The following SLTM variants were observed in gnomAD, a reference collection of about 807,000 sequenced individuals.
SLTM encodes SAFB like transcription modulator, also known as SAFB-like transcription modulator.
SLTM carries 43 observed loss-of-function variants against 134.6 expected under a neutral mutation model. The ratio of observed to expected loss-of-function variants is 0.32; its 90% CI spans 0.25 to 0.41. The LOEUF is 0.41. Among genes scored for constraint, SLTM ranks in the 10% least tolerant of loss-of-function variants. The probability of loss-of-function intolerance (pLI) is 1.00; values close to 1 mark genes in which losing one functional copy is unlikely to be tolerated. For synonymous variants in SLTM, 424 were observed against 432.3 expected (o/e 0.98, Z 0.24); for missense variants, 1,055 against 1,288.8 (o/e 0.82, Z 2.78).
At position 58,899,310 on chromosome 15, in the gene SLTM, A is replaced by G. The variant is rs959702371; in HGVS notation, c.1058+159T>C. The G allele has an allele frequency of 1.6e-6, 1 of 629,438 alleles. No homozygotes were observed. The highest frequency in any genetic ancestry group is 3.0e-5 in the Admixed American group (1 of 32,964). 39.0% of individuals were successfully genotyped at this position (629,438 alleles called of 1,614,324 possible). ...ACACTGCATTATTATGAAGATCTTG[A>G]AAATTTTTAAAAGTAACTTATGACG... On this transcript the variant is annotated intron_variant, in intron 7 of 20. Transcript: ENST00000380516. This position sits in a 1 kb window ranked among gnomAD's most constrained non-coding sequence, Gnocchi z 5.0.
chr15:58,910,640 T>C (rs900473146), intron 5 of SLTM, among the ~76,000 whole-genome samples: 10 of 152,114 alleles, frequency 6.6e-5, no homozygotes, highest in Non-Finnish European at 1.0e-4. Flanking sequence ...GAAGCTAATA[T>C]CTAGCTGCCA....
rs180881520 is a variant in SLTM, at chr15:58,899,219, A to C, written c.1058+250T>G. 3.6e-4 allele frequency: 166 copies of C among 466,130 alleles called. 1 individual carries two copies. Among genetic ancestry groups the C allele is most frequent in the Admixed American group, 1.4e-3 (37 of 25,816 alleles). 28.9% of individuals were successfully genotyped at this position (466,130 alleles called of 1,614,324 possible). A position where few individuals can be genotyped will look rare whatever the true frequency, so the allele number is the denominator to read the frequency against. The stretch of plus-strand genomic sequence containing the variant: ...AAAATTGTCAATTTGAAAAAAAAAA[A>C]CAAAAAACAAAAAACAACAAAAAAA... On this transcript the variant is annotated intron_variant, in intron 7 of 20. Transcript: ENST00000380516. The surrounding 1 kb of genome is among the most constrained non-coding windows in gnomAD (Gnocchi z 5.0).
At chr15:58,898,614 C>T (rs2035263167) in intron 8 of SLTM, 189 bp downstream of exon 8, 1 of 410,224 alleles carries the variant, frequency 2.4e-6, no homozygotes, top group Non-Finnish European at 4.3e-6. Context: ...ACAAAGTAAA[C>T]AGTAACACAT....
Position 58,893,121 on chromosome 15 carries a change from G to A in SLTM, c.1735-61C>T, listed in dbSNP as rs1217340696. On this transcript the variant is annotated intron_variant, in intron 13 of 20. Coordinates refer to ENST00000380516, the MANE Select transcript of SLTM (RefSeq NM_024755.4). ...AATATTTTGGGGCTTTATTTTTCAA[G>A]TTTAGTAGGTCATTTAAAAAGTTCA... is the stretch of plus-strand genomic sequence containing the variant. 3.4e-6 allele frequency: 5 copies of A among 1,486,954 alleles called. No individual in the cohort carries two copies. The African/African-American group carries it at 5.7e-5, about 17-fold the overall frequency. 92.1% of individuals were successfully genotyped at this position (1,486,954 alleles called of 1,614,324 possible).
Position 58,893,348 on chromosome 15 carries a change from T to C in SLTM, c.1665A>G (p.Gly555=). The change falls in exon 13 of 21, where the codon GGA becomes GGG. Residue 555 remains glycine (G), a synonymous_variant. Transcript: ENST00000380516. The stretch of plus-strand genomic sequence containing the variant: ...TAGTTTGGTCTAGTATTACCATATG[T>C]CCTGGACTCTTGGAACCTAAGGGAA... ...EKKRISSKSP[G]HMVILDQTKG... 6.2e-7 allele frequency: 1 copy of C among 1,603,844 alleles called. No individual in the cohort carries two copies. Among genetic ancestry groups the C allele is most frequent in the Admixed American group, 1.7e-5 (1 of 57,782 alleles).
intron 11 of SLTM, 40 bp downstream of exon 11, chr15:58,894,050 A>G: frequency 6.3e-7 from 1 of 1,596,354 alleles, no homozygotes; most frequent in Non-Finnish European, 8.5e-7. Flanking sequence ...AAAAAAGTCT[A>G]TCTGCTTATC....
intron 2 of SLTM, among the ~76,000 whole-genome samples, chr15:58,925,275 A>T (rs2037379118): frequency 6.6e-6 from 1 of 152,040 alleles, no homozygotes; most frequent in Non-Finnish European, 1.5e-5. Flanking sequence ...TAACAAAATC[A>T]TTTTTCTGAA....
intron 5 of SLTM, among the ~76,000 whole-genome samples, chr15:58,908,002 C>CGCGTGTGTGT (rs2035984596): frequency 7.1e-6 from 1 of 139,870 alleles, no homozygotes; most frequent in Non-Finnish European, 1.5e-5. Flanking sequence ...AAACATGCTG[C>CGCGTGTGTGT]GTGTGTGTGT....
chr15:58,930,507 C>A (rs1331064124), intron 2 of SLTM, among the ~76,000 whole-genome samples: 8 of 151,162 alleles, frequency 5.3e-5, no homozygotes, highest in Non-Finnish European at 7.4e-5. Context: ...CAAGTATAAC[C>A]CATACAAAGA....
At chr15:58,907,577 C>T (rs1407568563) in intron 5 of SLTM, among the ~76,000 whole-genome samples, 3 of 152,038 alleles carry the variant, frequency 2.0e-5, no homozygotes, top group Admixed American at 1.3e-4. Flanking sequence ...GGGGAGATCG[C>T]GTCGCCACAC....
intron 2 of SLTM, among the ~76,000 whole-genome samples, chr15:58,923,250 A>AG (rs1423858272): frequency 4.6e-5 from 7 of 152,162 alleles, no homozygotes; most frequent in South Asian, 2.1e-4. Context: ...TCCAGCTACT[A>AG]GGGGGGCCGA....
In SLTM at chr15:58,932,429, T is replaced by C. The variant is rs1245731467; in HGVS notation, c.177A>G (p.Glu59=). 1 of 1,609,906 alleles carries C rather than the reference T, an allele frequency of 6.2e-7. No individual in the cohort carries two copies. Among genetic ancestry groups the C allele is most frequent in the African/African-American group, 1.3e-5 (1 of 74,878 alleles). Residue 59 remains glutamate, a synonymous_variant, in exon 2 of 21, where the codon GAA becomes GAG. Coordinates refer to ENST00000380516, the MANE Select transcript of SLTM (RefSeq NM_024755.4). The part of the protein sequence containing the change: ...ISRLKQAIEE[E]GGDPDNIELT... ...ATTCAATATTATCTGGATCGCCTCCTTCCTCTTCAATAGCCTACATTAGAA... is the reference window on the plus strand; with the variant it reads ...ATTCAATATTATCTGGATCGCCTCCCTCCTCTTCAATAGCCTACATTAGAA...
chr15:58,903,976 AG>A (rs1355535466), intron 5 of SLTM, among the ~76,000 whole-genome samples: 1 of 152,140 alleles, frequency 6.6e-6, no homozygotes, highest in African/African-American at 2.4e-5. Context: ...TCTTTTTTTA[AG>A]TATTTTCTCT....
intron 3 of SLTM, among the ~76,000 whole-genome samples, chr15:58,914,324 G>A (rs1367354793): frequency 1.3e-5 from 2 of 152,200 alleles, no homozygotes; most frequent in Non-Finnish European, 2.9e-5. Context: ...GAAGAGAAAA[G>A]GGGTGAAAGC....
rs2141154153 is a variant in SLTM at position 58,916,994 on chromosome 15, T to C, written c.256A>G (p.Lys86Glu). Residue 86 changes from lysine to glutamate, a missense_variant, in exon 3 of 21, where the codon AAA becomes GAA. Physicochemically the swap from Lys to Glu is moderately conservative, Grantham distance 56. Transcript: ENST00000380516. ...CCACTCAACTCATCTGCTTCATGTT[T>C]TTTACCTGCGAAAGAAGGAAAATGG... The part of the protein sequence containing the change: ...NKKPTKGKGK[K>E]HEADELSGDA... 1 of 1,613,628 alleles carries C rather than the reference T, an allele frequency of 6.2e-7. No individual in the cohort carries two copies. The highest frequency in any genetic ancestry group is 8.5e-7 in the Non-Finnish European group (1 of 1,179,726).
At position 58,916,906 on chromosome 15, in the gene SLTM, C is replaced by G. The variant is rs775707298; in HGVS notation, c.315+29G>C. Reference sequence around the variant, plus strand: ...TGCAAAATACTAGGCTTAAAATAAGCATCTTAACCTGAGTAATTAACACTT... The same window carrying G: ...TGCAAAATACTAGGCTTAAAATAAGGATCTTAACCTGAGTAATTAACACTT... On this transcript the variant is annotated intron_variant, in intron 3 of 20. Transcript: ENST00000380516. 5 of 1,587,164 alleles carry G rather than the reference C, an allele frequency of 3.2e-6. No homozygotes were observed. The Admixed American group carries it at 8.5e-5, about 27-fold the overall frequency.
intron 5 of SLTM, among the ~76,000 whole-genome samples, chr15:58,904,737 G>C (rs2035751515): frequency 6.6e-6 from 1 of 151,638 alleles, no homozygotes; most frequent in South Asian, 2.1e-4. Context: ...CTGAGACTGA[G>C]TGTCGCTCTG....
At chr15:58,922,533 TAA>T (rs1567158101) in intron 2 of SLTM, among the ~76,000 whole-genome samples, 5 of 88,866 alleles carry the variant, frequency 5.6e-5, no homozygotes, top group South Asian at 3.9e-4. Flanking sequence ...TATACGTATA[TAA>T]TATATTTTAT....
At chr15:58,932,779 A>C (rs192113954) in intron 1 of SLTM, among the ~76,000 whole-genome samples, 80 of 152,362 alleles carry the variant, frequency 5.3e-4, no homozygotes, top group Non-Finnish European at 9.1e-4. Flanking sequence ...GAGTTTTCCT[A>C]GTTTCTGTAA....
Sources: allele counts gnomAD v4.1 joint callset (sites outside exome capture counted in the v4.1 genomes callset), GRCh38; gene constraint gnomAD v4.1.1; non-coding constraint Gnocchi (gnomAD v3.1); transcripts MANE v1.5; gene names NCBI Gene and HGNC (gene_info 2026-07-23, HGNC 2026-07-21).